The following KDELR1 variants were observed in gnomAD, a reference collection of about 807,000 sequenced individuals.
The protein encoded by KDELR1 is KDEL endoplasmic reticulum protein retention receptor 1, also known as ER lumen protein-retaining receptor 1.
A neutral mutation model predicts 25.5 loss-of-function variants in KDELR1; 16 were observed. That is an observed-to-expected ratio of 0.63 (90% CI 0.43 to 0.95). The LOEUF (loss-of-function observed/expected upper bound fraction) is 0.95, where lower values mean the gene tolerates loss of function less well. Ranked by LOEUF, KDELR1 falls within the 40% of genes least tolerant of loss-of-function variation. KDELR1 has a pLI of 0.00. For missense variants in KDELR1, 159 were observed against 265.2 expected, an observed-to-expected ratio of 0.60 and a Z score of 2.78; for synonymous variants, 121 against 115.0, an observed-to-expected ratio of 1.05 and a Z score of -0.33.
At chr19:48,390,819 T>C (rs745623840) in intron 1 of KDELR1, 1 of 446,474 alleles carries the variant, frequency 2.2e-6, no homozygotes, top group South Asian at 2.4e-5. Context: ...CTAGGCCTCA[T>C]GGCTACCCCT....
chr19:48,384,034 A>C lies in KDELR1; in HGVS notation c.604+196T>G, dbSNP rs1187947643. ...AAGTGACATGGGGGCTAAGGACAGA[A>C]ACTCCTTAGCCCTTAGGGAGGCAGA... On this transcript the variant is annotated intron_variant, in intron 4 of 4. Transcript: ENST00000330720. This position sits in a 1 kb window ranked among gnomAD's most constrained non-coding sequence, Gnocchi z 4.6. Among the ~76,000 whole-genome samples the C allele has an allele frequency of 6.6e-6, 1 of 152,178 alleles. No individual in the cohort carries two copies. The highest frequency in any genetic ancestry group is 1.5e-5 in the Non-Finnish European group (1 of 68,036).
chr19:48,389,389 G>A (rs1970522921), intron 3 of KDELR1, 164 bp downstream of exon 3: 2 of 715,104 alleles, frequency 2.8e-6, no homozygotes, highest in Admixed American at 5.1e-5. Flanking sequence ...TGCTGCTGTT[G>A]TGTTAATTTC....
rs1170605835 is a variant in KDELR1 at position 48,391,518 on chromosome 19, G to A, written c.-160C>T. ...AGGGGACTTTGGGAGGGGGAGCAAA[G>A]GCTGGAGCTGGCGGCGGAGCTGGAG... On this transcript the variant is annotated 5_prime_UTR_variant, in exon 1 of 5. Coordinates refer to ENST00000330720, the MANE Select transcript of KDELR1 (RefSeq NM_006801.3). 2 of 609,392 alleles carry A rather than the reference G, an allele frequency of 3.3e-6. No homozygotes were observed. Among genetic ancestry groups the A allele is most frequent in the African/African-American group, 1.9e-5 (1 of 54,048 alleles). 37.7% of individuals were successfully genotyped at this position (609,392 alleles called of 1,614,324 possible).
Position 48,383,189 on chromosome 19 carries a change from G to T in KDELR1, c.*104C>A. Reference sequence around the variant, plus strand: ...GGAGGCGGGATGGGGAGCACAAGAGGTGGGTTCTTAAAAAAGTCACCCCTG... The same window carrying T: ...GGAGGCGGGATGGGGAGCACAAGAGTTGGGTTCTTAAAAAAGTCACCCCTG... On this transcript the variant is annotated 3_prime_UTR_variant, in exon 5 of 5. Coordinates refer to ENST00000330720, the MANE Select transcript of KDELR1 (RefSeq NM_006801.3). The T allele has an allele frequency of 8.3e-7, 1 of 1,207,672 alleles. No homozygotes were observed. Among genetic ancestry groups the T allele is most frequent in the Non-Finnish European group, 1.2e-6 (1 of 836,256 alleles). The allele number at this position is 1,207,672 out of a possible 1,614,324, so 74.8% of individuals were successfully genotyped here.
rs1276716265 is a variant in KDELR1, at chr19:48,384,877, CCTTT to C, written c.352-399_352-396del. Among the ~76,000 whole-genome samples, 2 of 147,036 alleles carry C rather than the reference CCTTT, an allele frequency of 1.4e-5. No individual in the cohort carries two copies. Among genetic ancestry groups the C allele is most frequent in the African/African-American group, 5.0e-5 (2 of 39,660 alleles). On this transcript the variant is annotated intron_variant, in intron 3 of 4. Transcript: ENST00000330720. The surrounding 1 kb of genome is among the most constrained non-coding windows in gnomAD (Gnocchi z 4.6). ...GAATCTTGCCTTGGAAATTTCCCTT[CCTTT>C]TTCTTTTTCTTTTTTTTTTTTTTGA...
chr19:48,389,607 G>T lies in KDELR1; in HGVS notation c.297C>A (p.Val99=), dbSNP rs374397149. 1.9e-6 allele frequency: 3 copies of T among 1,614,090 alleles called. No homozygotes were observed. The highest frequency in any genetic ancestry group is 1.7e-5 in the Admixed American group (1 of 60,018). The change falls in exon 3 of 5, where the codon GTC becomes GTA. Residue 99 remains valine, a synonymous_variant. Transcript: ENST00000330720. The part of the protein sequence containing the change: ...NHDTFRVEFL[V]VPTAILAFLV... ...GGAACGCCAGAATGGCTGTGGGAACGACCAGGAACTCCACTCTGAACGTGT... is the reference window on the plus strand; with the variant it reads ...GGAACGCCAGAATGGCTGTGGGAACTACCAGGAACTCCACTCTGAACGTGT...
chr19:48,392,438 C>G (rs1242149949), upstream of KDELR1, among the ~76,000 whole-genome samples: 1 of 149,808 alleles, frequency 6.7e-6, no homozygotes, highest in Admixed American at 6.6e-5. Context: ...AGGGCCCCAG[C>G]CCCTCCTCCC....
chr19:48,390,333 C>T, intron 2 of KDELR1, 91 bp downstream of exon 2: 2 of 939,450 alleles, frequency 2.1e-6, no homozygotes, highest in Admixed American at 2.1e-5. Flanking sequence ...TCCAGGCCCC[C>T]AGCCCCTCCT....
At chr19:48,387,520 A>G (rs1970506053) in intron 3 of KDELR1, among the ~76,000 whole-genome samples, 1 of 151,970 alleles carries the variant, frequency 6.6e-6, no homozygotes, top group Non-Finnish European at 1.5e-5. Flanking sequence ...CATCTCTACT[A>G]GAAACACAAA....
In KDELR1 at chr19:48,384,131, T is replaced by C. The variant is rs551215226; in HGVS notation, c.604+99A>G. The C allele has an allele frequency of 9.1e-5, 133 of 1,455,984 alleles. No individual in the cohort carries two copies. The highest frequency in any genetic ancestry group is 1.9e-4 in the Middle Eastern group (1 of 5,234). 90.2% of individuals were successfully genotyped at this position (1,455,984 alleles called of 1,614,324 possible). A position where few individuals can be genotyped will look rare whatever the true frequency, so the allele number is the denominator to read the frequency against. On this transcript the variant is annotated intron_variant, in intron 4 of 4. Transcript: ENST00000330720. This position sits in a 1 kb window ranked among gnomAD's most constrained non-coding sequence, Gnocchi z 4.6. Reference sequence around the variant, plus strand: ...GAAACCCGGCGAAGAAATGCTCCCTTCTTTGCATAATACAGGGGTAAGGAG... The same window carrying C: ...GAAACCCGGCGAAGAAATGCTCCCTCCTTTGCATAATACAGGGGTAAGGAG...
chr19:48,393,215 T>C (rs577312795), upstream of KDELR1, among the ~76,000 whole-genome samples: 43 of 147,752 alleles, frequency 2.9e-4, no homozygotes, highest in African/African-American at 1.0e-3. The surrounding 1 kb of genome is among the most constrained non-coding windows in gnomAD (Gnocchi z 5.6). Flanking sequence ...AGAAGGGGAC[T>C]CCTGGGTCTG....
At chr19:48,390,551 GAGAGAGAGAGAC>G (rs753616328) in intron 1 of KDELR1, 27 bp from the exon 2 acceptor site, 33 of 1,280,544 alleles carry the variant, frequency 2.6e-5, no homozygotes, top group South Asian at 2.2e-4. Context: ...GAGAAAGAGA[GAGAGAGAGAGAC>G]AGAGAGAGAG....
chr19:48,393,677 G>A (rs1569055021), upstream of KDELR1, among the ~76,000 whole-genome samples: 1 of 149,790 alleles, frequency 6.7e-6, no homozygotes, highest in Non-Finnish European at 1.5e-5. The surrounding 1 kb of genome is among the most constrained non-coding windows in gnomAD (Gnocchi z 5.6). Context: ...CATCCCGAGT[G>A]AGTGTGTGTG....
chr19:48,390,375 C>G (rs367732975), intron 2 of KDELR1, 49 bp downstream of exon 2: 3 of 1,392,644 alleles, frequency 2.2e-6, no homozygotes, highest in South Asian at 2.3e-5. Context: ...GACCCACACC[C>G]GGCTCCTCTG....
At chr19:48,386,009 T>C (rs571284404) in intron 3 of KDELR1, among the ~76,000 whole-genome samples, 34 of 152,110 alleles carry the variant, frequency 2.2e-4, no homozygotes, top group South Asian at 6.2e-4. Context: ...TTGATGCTGC[T>C]GGGAAACGAA....
intron 3 of KDELR1, 45 bp downstream of exon 3, chr19:48,389,508 G>T: frequency 6.2e-7 from 1 of 1,609,796 alleles, no homozygotes; most frequent in South Asian, 1.1e-5. Flanking sequence ...TAGCTACTCT[G>T]CCACAACCAT....
At chr19:48,388,966 G>T (rs1569052836) in intron 3 of KDELR1, among the ~76,000 whole-genome samples, 1 of 151,868 alleles carries the variant, frequency 6.6e-6, no homozygotes, top group Non-Finnish European at 1.5e-5. Flanking sequence ...TAGCAGATTT[G>T]GAATTCAAAT....
intron 3 of KDELR1, among the ~76,000 whole-genome samples, chr19:48,388,659 T>C (rs1202461375): frequency 6.7e-6 from 1 of 148,350 alleles, no homozygotes; most frequent in Non-Finnish European, 1.5e-5. Context: ...GCCTCCAGTC[T>C]GGGCAACCGA....
chr19:48,383,768 G>C (rs946046981), intron 4 of KDELR1, among the ~76,000 whole-genome samples: 1 of 152,052 alleles, frequency 6.6e-6, no homozygotes, highest in African/African-American at 2.4e-5. Flanking sequence ...GTCTCCCAAA[G>C]TGCTGGGATT....
Sources: gnomAD v4.1 joint callset for allele counts (sites outside exome capture counted in the v4.1 genomes callset) on GRCh38, gnomAD v4.1.1 for gene constraint, Gnocchi (gnomAD v3.1) non-coding constraint, MANE v1.5 for transcripts, NCBI Gene and HGNC (gene_info 2026-07-23, HGNC 2026-07-21) for gene names.